Variants in MAP3K5 observed in about 807,000 individuals in gnomAD.
The protein encoded by MAP3K5 is mitogen-activated protein kinase kinase kinase 5, also known as ASK-1.
In MAP3K5, 56 loss-of-function variants were observed where a neutral mutation model predicts 158.7. The ratio of observed to expected loss-of-function variants is 0.35; its 90% CI spans 0.28 to 0.44. The LOEUF (loss-of-function observed/expected upper bound fraction) is 0.44. Ranked by LOEUF, MAP3K5 falls within the 20% of genes least tolerant of loss-of-function variation. MAP3K5 has a pLI of 1.00. For missense variants in MAP3K5, 1,294 were observed against 1,674.8 expected (o/e 0.77, Z 3.97); for synonymous variants, 579 against 601.7 (o/e 0.96, Z 0.55).
Position 136,580,410 on chromosome 6 carries a change from G to A in MAP3K5, c.3412-4C>T, listed in dbSNP as rs368596113. 40 of 1,582,924 alleles carry A rather than the reference G, an allele frequency of 2.5e-5. No homozygotes were observed. In the African/African-American group the frequency reaches 5.0e-4, roughly 20 times the overall value. On this transcript the variant is annotated splice_polypyrimidine_tract_variant and splice_region_variant and intron_variant, in intron 24 of 29. Coordinates refer to ENST00000359015, the MANE Select transcript of MAP3K5 (RefSeq NM_005923.4). The stretch of plus-strand genomic sequence containing the variant: ...GATTCCGAAGAACTTTATTGACCTG[G>A]AGAGAGAGTGACATTTAGCCTACTT...
rs199822722 is a variant in MAP3K5, at chr6:136,567,677, G to C, written c.3715C>G (p.Arg1239Gly). 1 of 1,614,022 alleles carries C rather than the reference G, an allele frequency of 6.2e-7. No individual in the cohort carries two copies. ...TVSHDSQSAH[R>G]SLNVQLGRMK... ...CTTCCAAGCTGTACATTCAGTGACC[G>C]GTGAGCACTCTGGGAATCATGAGAC... is the stretch of plus-strand genomic sequence containing the variant. The change falls in exon 26 of 30, where the codon CGG becomes GGG. Residue 1239 changes from arginine (R) to glycine (G), a missense_variant. Arg to Gly is a moderately radical substitution (Grantham distance 125). Coordinates refer to ENST00000359015, the MANE Select transcript of MAP3K5 (RefSeq NM_005923.4).
chr6:136,688,255 A>G (rs1379191505), intron 7 of MAP3K5, among the ~76,000 whole-genome samples: 1 of 152,090 alleles, frequency 6.6e-6, no homozygotes, highest in African/African-American at 2.4e-5. Flanking sequence ...AACATCACAC[A>G]CTGAGACCTG....
intron 1 of MAP3K5, among the ~76,000 whole-genome samples, chr6:136,728,574 T>C (rs1257027105): frequency 1.3e-5 from 2 of 152,208 alleles, no homozygotes; most frequent in East Asian, 3.9e-4. Flanking sequence ...TTTAATTTCT[T>C]GTGTGTTATT....
At chr6:136,740,248 G>A (rs1452042197) in intron 1 of MAP3K5, among the ~76,000 whole-genome samples, 1 of 152,210 alleles carries the variant, frequency 6.6e-6, no homozygotes, top group Admixed American at 6.5e-5. Flanking sequence ...AGTGTGCACA[G>A]CGGGGCTGGG....
rs1399049147 is a variant in MAP3K5, at chr6:136,720,466, G to A, written c.572C>T (p.Ser191Phe). ...GGGAGGTACCTTCAGTGACTGCAGA[G>A]AGTCCGAGTTAGTATCACAGTAGAG... is the stretch of plus-strand genomic sequence containing the variant. ...IILYCDTNSD[S>F]LQSLKEIICQ... The change falls in exon 2 of 30, where the codon TCT becomes TTT. Residue 191 changes from serine (S) to phenylalanine (F), a missense_variant. Ser to Phe is a radical substitution (Grantham distance 155). Coordinates refer to ENST00000359015, the MANE Select transcript of MAP3K5 (RefSeq NM_005923.4). 1 of 1,607,138 alleles carries A rather than the reference G, an allele frequency of 6.2e-7. No homozygotes were observed. Among genetic ancestry groups the A allele is most frequent in the African/African-American group, 1.3e-5 (1 of 74,714 alleles).
chr6:136,704,205 T>C (rs1780973013), intron 3 of MAP3K5, among the ~76,000 whole-genome samples: 1 of 152,212 alleles, frequency 6.6e-6, no homozygotes, highest in Non-Finnish European at 1.5e-5. Context: ...AAGATATCTA[T>C]ATATCAGTGT....
At chr6:136,629,913 G>A (rs944976098) in intron 14 of MAP3K5, among the ~76,000 whole-genome samples, 53 of 151,840 alleles carry the variant, frequency 3.5e-4, no homozygotes, top group Non-Finnish European at 3.2e-4. Context: ...CACCATGCCC[G>A]GCTAATTTTT....
intron 1 of MAP3K5, among the ~76,000 whole-genome samples, chr6:136,725,622 A>G (rs1781934200): frequency 6.6e-6 from 1 of 152,156 alleles, no homozygotes; most frequent in Admixed American, 6.5e-5. Flanking sequence ...CAGATATGCA[A>G]TTTGCAGATA....
intron 7 of MAP3K5, among the ~76,000 whole-genome samples, chr6:136,671,676 C>T (rs185791810): frequency 4.4e-4 from 67 of 152,306 alleles, no homozygotes; most frequent in South Asian, 3.7e-3. Context: ...CGCAGTGACA[C>T]GATCTCAGCT....
chr6:136,665,519 TAATTTTAGTAGAGACAGGGATTCA>T (rs1453939179), intron 8 of MAP3K5, among the ~76,000 whole-genome samples: 2 of 152,112 alleles, frequency 1.3e-5, no homozygotes, highest in Admixed American at 6.5e-5. Flanking sequence ...GCTAATTTTG[TAATTTTAGTAGAGACAGGGATTCA>T]CCATGTTCAT....
At chr6:136,732,158 C>T (rs769940498) in intron 1 of MAP3K5, among the ~76,000 whole-genome samples, 4 of 152,210 alleles carry the variant, frequency 2.6e-5, no homozygotes, top group Non-Finnish European at 4.4e-5. Context: ...GGCGCAGTGG[C>T]TCACGTCTGT....
chr6:136,748,484 T>A (rs2114910992), intron 1 of MAP3K5, among the ~76,000 whole-genome samples: 1 of 152,268 alleles, frequency 6.6e-6, no homozygotes, highest in East Asian at 1.9e-4. Flanking sequence ...CACACAAATA[T>A]GTATTTGTTC....
At chr6:136,739,297 T>C (rs982504571) in intron 1 of MAP3K5, among the ~76,000 whole-genome samples, 13 of 152,090 alleles carry the variant, frequency 8.5e-5, no homozygotes, top group African/African-American at 3.1e-4. Flanking sequence ...AATGCCCAAA[T>C]CCACACTTGC....
At chr6:136,563,486 A>G (rs1485012522) in intron 26 of MAP3K5, among the ~76,000 whole-genome samples, 1 of 152,164 alleles carries the variant, frequency 6.6e-6, no homozygotes, top group Non-Finnish European at 1.5e-5. Flanking sequence ...TGTTGCTACA[A>G]TTGTGATTGT....
chr6:136,657,932 G>A (rs910553227), intron 9 of MAP3K5, among the ~76,000 whole-genome samples: 17 of 152,232 alleles, frequency 1.1e-4, no homozygotes, highest in African/African-American at 3.6e-4. Context: ...AAGACAAAAT[G>A]ATGGACTTTA....
At chr6:136,650,930 G>T in intron 11 of MAP3K5, 54 bp downstream of exon 11, 1 of 1,056,974 alleles carries the variant, frequency 9.5e-7, no homozygotes, top group Non-Finnish European at 1.4e-6. Context: ...AATGCTAGAA[G>T]GGTGTAAAGT....
chr6:136,658,341 G>A (rs1220088221), intron 9 of MAP3K5, among the ~76,000 whole-genome samples: 2 of 105,362 alleles, frequency 1.9e-5, no homozygotes, highest in East Asian at 5.7e-4. Context: ...TTGAGACAGA[G>A]TCTTGCCCTG....
chr6:136,613,047 A>G lies in MAP3K5; in HGVS notation c.2415+73T>C. ...ATTCTAAATTAATACTCATAACACA[A>G]TATGACTTTTGCAAGTAAAATAATA... On this transcript the variant is annotated intron_variant, in intron 17 of 29. Transcript: ENST00000359015. This position sits in a 1 kb window ranked among gnomAD's most constrained non-coding sequence, Gnocchi z 4.0. 7.2e-7 allele frequency: 1 copy of G among 1,390,124 alleles called. No homozygotes were observed. The highest frequency in any genetic ancestry group is 2.1e-5 in the Admixed American group (1 of 46,684). The allele number at this position is 1,390,124 out of a possible 1,614,324, so 86.1% of individuals were successfully genotyped here.
chr6:136,773,896 C>G (rs990320853), intron 1 of MAP3K5, among the ~76,000 whole-genome samples: 8 of 152,096 alleles, frequency 5.3e-5, no homozygotes, highest in African/African-American at 1.9e-4. Flanking sequence ...ATCAGGTGAT[C>G]TGCCTGCCTC....
Sources: gnomAD v4.1 joint callset for allele counts (sites outside exome capture counted in the v4.1 genomes callset) on GRCh38, gnomAD v4.1.1 for gene constraint, Gnocchi (gnomAD v3.1) non-coding constraint, MANE v1.5 for transcripts, NCBI Gene and HGNC (gene_info 2026-07-23, HGNC 2026-07-21) for gene names.